WDR93: variants seen among roughly 807,000 people sequenced by gnomAD.
WDR93 encodes the protein WD repeat-containing protein 93.
Under a neutral mutation model 82.9 loss-of-function variants are expected in WDR93, and 73 were observed. The observed-to-expected ratio is 0.88, with a 90% CI of 0.73 to 1.07. WDR93 has a LOEUF of 1.07. WDR93 is among the 50% of genes least tolerant of loss of function. The pLI is 0.00. For missense variants in WDR93, 738 were observed against 826.0 expected, an observed-to-expected ratio of 0.89 and a Z score of 1.31; for synonymous variants, 283 against 300.1, an observed-to-expected ratio of 0.94 and a Z score of 0.59.
intron 3 of WDR93, chr15:89,703,435 G>T: frequency 4.7e-6 from 2 of 421,060 alleles, no homozygotes; most frequent in Non-Finnish European, 8.6e-6. Flanking sequence ...GAGGTAACAT[G>T]GAAAGTCAGG....
chr15:89,721,958 TC>T, intron 7 of WDR93, 96 bp from the exon 8 acceptor site: 1 of 810,114 alleles, frequency 1.2e-6, no homozygotes. Context: ...TTTTTCTTTT[TC>T]CCCTTCTTTT....
intron 2 of WDR93, among the ~76,000 whole-genome samples, chr15:89,702,659 C>A (rs1965525892): frequency 6.6e-6 from 1 of 152,076 alleles, no homozygotes; most frequent in Non-Finnish European, 1.5e-5. Flanking sequence ...CTGCCTCAGC[C>A]TCCCAAGTAG....
intron 16 of WDR93, among the ~76,000 whole-genome samples, chr15:89,742,821 C>A (rs533383856): frequency 1.2e-4 from 18 of 152,342 alleles, no homozygotes; most frequent in African/African-American, 4.3e-4. Flanking sequence ...GCGTGAGCCA[C>A]CGCGCCTGGC....
chr15:89,690,777 C>T (rs1375072104), upstream of WDR93: 3 of 569,072 alleles, frequency 5.3e-6, no homozygotes, highest in East Asian at 9.5e-5. Context: ...GGCGGGCACA[C>T]TTTCTGTAGA....
rs199513614 is a variant in WDR93 at position 89,743,401 on chromosome 15, C to A, written c.*10C>A. On this transcript the variant is annotated 3_prime_UTR_variant, in exon 17 of 17. Coordinates refer to ENST00000268130, the MANE Select transcript of WDR93 (RefSeq NM_020212.2). ...GAACTTCAAGAAGTGAGGCTGCCAC[C>A]GCCCTGGGATCTCTGAAAAGGAGGT... The A allele has an allele frequency of 1.9e-6, 3 of 1,613,752 alleles. No homozygotes were observed. The African/African-American group carries it at 4.0e-5, about 22-fold the overall frequency.
intron 1 of WDR93, among the ~76,000 whole-genome samples, chr15:89,692,382 T>C (rs138147618): frequency 6.6e-6 from 1 of 152,288 alleles, no homozygotes; most frequent in Non-Finnish European, 1.5e-5. Flanking sequence ...GGAAAGAGCC[T>C]CGAAGAGAGC....
At chr15:89,739,651 GGGTCAT>G (rs1353847643) in intron 16 of WDR93, among the ~76,000 whole-genome samples, 11 of 152,136 alleles carry the variant, frequency 7.2e-5, no homozygotes, top group Non-Finnish European at 1.3e-4. Context: ...GGGTGGACTG[GGGTCAT>G]CAGTGGAGTC....
intron 10 of WDR93, 24 bp from the exon 11 acceptor site, chr15:89,729,659 G>C: frequency 6.2e-7 from 1 of 1,601,118 alleles, no homozygotes; most frequent in East Asian, 2.2e-5. Flanking sequence ...CCCATTTTCT[G>C]TCTTTCCCCC....
intron 7 of WDR93, 66 bp downstream of exon 7, chr15:89,717,015 T>C: frequency 9.9e-7 from 1 of 1,008,460 alleles, no homozygotes; most frequent in Non-Finnish European, 1.4e-6. Flanking sequence ...TTTTAAAAAT[T>C]ATTATTTTTC....
chr15:89,720,033 C>T (rs762221822), intron 7 of WDR93, among the ~76,000 whole-genome samples: 18 of 152,070 alleles, frequency 1.2e-4, no homozygotes, highest in Admixed American at 3.3e-4. Context: ...CTCCTGACCT[C>T]GTGATCCCAC....
At chr15:89,723,512 A>G (rs1291585817) in intron 8 of WDR93, among the ~76,000 whole-genome samples, 1 of 152,210 alleles carries the variant, frequency 6.6e-6, no homozygotes, top group African/African-American at 2.4e-5. Context: ...TTGTAAAAGA[A>G]TGTGGTGGTC....
chr15:89,711,049 C>A (rs773210925), intron 4 of WDR93, among the ~76,000 whole-genome samples: 4 of 152,174 alleles, frequency 2.6e-5, no homozygotes, highest in Admixed American at 6.5e-5. Context: ...ATAAAGGAGT[C>A]AGGATGATAA....
intron 4 of WDR93, among the ~76,000 whole-genome samples, chr15:89,709,955 A>T (rs548972060): frequency 6.6e-5 from 10 of 152,122 alleles, no homozygotes; most frequent in Non-Finnish European, 8.8e-5. Context: ...GGTCAGTAGA[A>T]CAAGACCATC....
chr15:89,697,820 A>G (rs375077537), intron 1 of WDR93, among the ~76,000 whole-genome samples: 6 of 151,210 alleles, frequency 4.0e-5, no homozygotes, highest in African/African-American at 1.2e-4. Context: ...AAGCTCTGTT[A>G]TTAGGTGCAT....
intron 9 of WDR93, among the ~76,000 whole-genome samples, chr15:89,728,366 C>T (rs1197451516): frequency 6.6e-6 from 1 of 152,166 alleles, no homozygotes; most frequent in African/African-American, 2.4e-5. Context: ...TTCTTGTTCT[C>T]ACATGGGAAG....
intron 16 of WDR93, among the ~76,000 whole-genome samples, chr15:89,738,496 A>C (rs1967391428): frequency 6.6e-6 from 1 of 151,920 alleles, no homozygotes; most frequent in African/African-American, 2.4e-5. Flanking sequence ...GTGTGGTGGT[A>C]CATGCCTGTA....
chr15:89,738,848 CTCATGCCTGTAATCCCAGCA>C (rs1967425942), intron 16 of WDR93, among the ~76,000 whole-genome samples: 1 of 151,848 alleles, frequency 6.6e-6, no homozygotes, highest in South Asian at 2.1e-4. Flanking sequence ...GGCCCGGTGG[CTCATGCCTGTAATCCCAGCA>C]CTTTGGGAGG....
rs148537713 is a variant in WDR93, at chr15:89,729,074, G to A, written c.1104G>A (p.Pro368=). The part of the protein sequence containing the change: ...LLPSCLFAMP[P]EVKGPSGMAC... The stretch of plus-strand genomic sequence containing the variant: ...CTAGCTGCCTATTTGCAATGCCACC[G>A]GAAGTCAAGGGCCCCTCAGGTAAAT... The change falls in exon 10 of 17, where the codon CCG becomes CCA. Residue 368 remains proline, a synonymous_variant. Coordinates refer to ENST00000268130, the MANE Select transcript of WDR93 (RefSeq NM_020212.2). 3.7e-5 allele frequency: 59 copies of A among 1,613,964 alleles called. No individual in the cohort carries two copies. Among genetic ancestry groups the A allele is most frequent in the Non-Finnish European group, 4.8e-5 (57 of 1,180,010 alleles).
chr15:89,728,455 C>G (rs1308390728), intron 9 of WDR93, among the ~76,000 whole-genome samples: 1 of 152,218 alleles, frequency 6.6e-6, no homozygotes. Context: ...TCCCTGACAA[C>G]AGCTTCCTGT....
Sources: allele counts gnomAD v4.1 joint callset (sites outside exome capture counted in the v4.1 genomes callset), GRCh38; gene constraint gnomAD v4.1.1; transcripts MANE v1.5; gene names NCBI Gene and HGNC (gene_info 2026-07-23, HGNC 2026-07-21).